Variants in SPAG16 observed in about 807,000 individuals in gnomAD.
The protein encoded by SPAG16 is sperm-associated antigen 16 protein.
A neutral mutation model predicts 80.4 loss-of-function variants in SPAG16; 86 were observed. That is an observed-to-expected ratio of 1.07 (90% CI 0.90 to 1.28). The LOEUF is 1.28. SPAG16 is among the 50% of genes most tolerant of loss of function. SPAG16 has a pLI of 0.00. For synonymous variants in SPAG16, 294 were observed against 265.9 expected (o/e 1.11, Z -1.03); for missense variants, 870 against 765.3 (o/e 1.14, Z -1.61).
intron 3 of SPAG16, 131 bp downstream of exon 3, chr2:213,297,488 T>C (rs1575111269): frequency 3.8e-6 from 2 of 532,152 alleles, no homozygotes; most frequent in Non-Finnish European, 6.6e-6. Flanking sequence ...CTCTGTTTAT[T>C]TGTGATCAAG....
At chr2:214,262,077 C>G (rs918352219) in intron 15 of SPAG16, among the ~76,000 whole-genome samples, 1 of 151,894 alleles carries the variant, frequency 6.6e-6, no homozygotes, top group Non-Finnish European at 1.5e-5. Context: ...TATAATTAGA[C>G]TATCTATCTG....
intron 12 of SPAG16, among the ~76,000 whole-genome samples, chr2:213,978,446 C>T (rs572594274): frequency 1.3e-5 from 2 of 152,190 alleles, no homozygotes; most frequent in East Asian, 1.9e-4. Flanking sequence ...ACAGTCTGTT[C>T]GAGGTTTTCC....
intron 10 of SPAG16, among the ~76,000 whole-genome samples, chr2:213,587,164 A>G (rs1039302581): frequency 7.2e-5 from 11 of 151,760 alleles, no homozygotes; most frequent in Non-Finnish European, 1.6e-4. Context: ...CTCTGTGGAG[A>G]CTCTGACAAT....
At chr2:214,222,741 C>T (rs2058610440) in intron 15 of SPAG16, among the ~76,000 whole-genome samples, 2 of 152,104 alleles carry the variant, frequency 1.3e-5, no homozygotes, top group South Asian at 4.1e-4. Flanking sequence ...TCAAGAGATC[C>T]ACCTGAGGAC....
intron 5 of SPAG16, among the ~76,000 whole-genome samples, chr2:213,333,502 T>C (rs888394072): frequency 3.3e-5 from 5 of 152,114 alleles, no homozygotes; most frequent in Admixed American, 3.3e-4. Context: ...GAAAATACAA[T>C]CCTAAAATTT....
intron 14 of SPAG16, among the ~76,000 whole-genome samples, chr2:214,115,475 C>G (rs2053885888): frequency 6.6e-6 from 1 of 152,160 alleles, no homozygotes; most frequent in Non-Finnish European, 1.5e-5. Context: ...GGGGAAAATT[C>G]TACAATTTCA....
intron 15 of SPAG16, among the ~76,000 whole-genome samples, chr2:214,220,567 C>G (rs1439746364): frequency 2.0e-5 from 3 of 152,096 alleles, no homozygotes; most frequent in Non-Finnish European, 4.4e-5. Flanking sequence ...CATAATTAAA[C>G]ACTCTGTGTT....
In SPAG16 at chr2:213,638,811, T is replaced by C. The variant is rs114820240; in HGVS notation, c.1070+148721T>C. Among the ~76,000 whole-genome samples the C allele has an allele frequency of 2.4e-3, 368 of 152,336 alleles. 2 individuals are homozygous for C. Among genetic ancestry groups the C allele is most frequent in the African/African-American group, 8.4e-3 (348 of 41,582 alleles). ...GTTGTTTATTTGTTAACTTTCTGTC[T>C]TGATGACCTGTCTAGCGCTGTCTGT... On this transcript the variant is annotated intron_variant, in intron 10 of 15. Coordinates refer to ENST00000331683, the MANE Select transcript of SPAG16 (RefSeq NM_024532.5).
chr2:213,848,553 A>C (rs1474974713), intron 10 of SPAG16, among the ~76,000 whole-genome samples: 1 of 152,128 alleles, frequency 6.6e-6, no homozygotes, highest in East Asian at 1.9e-4. Context: ...CCCCTTAAAC[A>C]TGTACTTTTC....
intron 10 of SPAG16, among the ~76,000 whole-genome samples, chr2:213,548,716 A>G (rs1353035436): frequency 2.0e-5 from 3 of 152,064 alleles, no homozygotes; most frequent in Non-Finnish European, 2.9e-5. Flanking sequence ...TTCAGTTTCT[A>G]TGAGCCCTTT....
intron 15 of SPAG16, among the ~76,000 whole-genome samples, chr2:214,234,530 C>A (rs1576559908): frequency 6.6e-6 from 1 of 152,118 alleles, no homozygotes; most frequent in Non-Finnish European, 1.5e-5. Context: ...CCCTTTTTCT[C>A]CACAACCTCA....
At chr2:214,171,775 G>A (rs535599241) in intron 15 of SPAG16, among the ~76,000 whole-genome samples, 1 of 151,820 alleles carries the variant, frequency 6.6e-6, no homozygotes, top group African/African-American at 2.4e-5. Flanking sequence ...AACTGATACT[G>A]GTGCATCAAG....
intron 10 of SPAG16, among the ~76,000 whole-genome samples, chr2:213,556,789 T>C (rs1333882871): frequency 6.6e-6 from 1 of 152,078 alleles, no homozygotes; most frequent in Non-Finnish European, 1.5e-5. Context: ...AGCAGAACAA[T>C]ACATTTTCTT....
chr2:213,701,409 CCTCA>C (rs1458416142), intron 10 of SPAG16, among the ~76,000 whole-genome samples: 1 of 151,990 alleles, frequency 6.6e-6, no homozygotes, highest in African/African-American at 2.4e-5. Context: ...TGCTAGCAGC[CCTCA>C]CTCACTCTTG....
intron 13 of SPAG16, among the ~76,000 whole-genome samples, chr2:214,064,960 T>C (rs1243758206): frequency 6.6e-6 from 1 of 151,924 alleles, no homozygotes; most frequent in Non-Finnish European, 1.5e-5. Flanking sequence ...TTTTTCAAAA[T>C]AAAATTATAA....
intron 12 of SPAG16, among the ~76,000 whole-genome samples, chr2:214,009,850 A>G (rs531809483): frequency 3.9e-5 from 6 of 152,282 alleles, no homozygotes; most frequent in African/African-American, 1.4e-4. Flanking sequence ...ATTAATCTTT[A>G]GAAAACAGCT....
At chr2:214,015,352 A>T (rs1338465535) in intron 13 of SPAG16, among the ~76,000 whole-genome samples, 1 of 152,080 alleles carries the variant, frequency 6.6e-6, no homozygotes, top group Admixed American at 6.6e-5. Context: ...TAATCCCACC[A>T]CTTTGGGAGG....
At chr2:213,543,164 G>A (rs565105142) in intron 10 of SPAG16, among the ~76,000 whole-genome samples, 2 of 152,100 alleles carry the variant, frequency 1.3e-5, no homozygotes, top group South Asian at 4.1e-4. Flanking sequence ...AACTACCAAA[G>A]CTTACTCAAG....
rs1419719977 is a variant in SPAG16, at chr2:214,010,417, C to T, written c.1401-3534C>T. Among the ~76,000 whole-genome samples the T allele has an allele frequency of 2.0e-5, 3 of 146,488 alleles. 1 individual carries two copies. The highest frequency in any genetic ancestry group is 4.5e-5 in the Non-Finnish European group (3 of 67,252). On this transcript the variant is annotated intron_variant, in intron 12 of 15. Transcript: ENST00000331683. Reference sequence around the variant, plus strand: ...AAAAAGTCACAGGGGAAGAAACTTTCCTGGAATAATAAAAGTCTAGGCATA... The same window carrying T: ...AAAAAGTCACAGGGGAAGAAACTTTTCTGGAATAATAAAAGTCTAGGCATA...
Sources: allele counts gnomAD v4.1 joint callset (sites outside exome capture counted in the v4.1 genomes callset), GRCh38; gene constraint gnomAD v4.1.1; transcripts MANE v1.5; gene names NCBI Gene and HGNC (gene_info 2026-07-23, HGNC 2026-07-21).